The following FADS2 variants were observed in gnomAD, a reference collection of about 807,000 sequenced individuals.
FADS2 encodes acyl-CoA 6-desaturase.
In FADS2, 18 loss-of-function variants were observed where a neutral mutation model predicts 61.2. The ratio of observed to expected loss-of-function variants is 0.29; its 90% CI spans 0.20 to 0.44. The LOEUF is 0.44. Among genes scored for constraint, FADS2 ranks in the 20% least tolerant of loss-of-function variants. FADS2 has a pLI of 1.00. For synonymous variants in FADS2, 203 were observed against 223.9 expected, an observed-to-expected ratio of 0.91 and a Z score of 0.83; for missense variants, 322 against 572.7, an observed-to-expected ratio of 0.56 and a Z score of 4.47.
chr11:61,843,958 G>A (rs1021020995), intron 4 of FADS2, among the ~76,000 whole-genome samples: 1 of 151,932 alleles, frequency 6.6e-6, no homozygotes, highest in East Asian at 1.9e-4. Flanking sequence ...ACCACGCCCG[G>A]CCTGCAATAT....
chr11:61,833,167 G>A lies in FADS2; in HGVS notation c.207+4570G>A, dbSNP rs533691002. Among the ~76,000 whole-genome samples the A allele has an allele frequency of 5.3e-5, 8 of 152,264 alleles. No individual in the cohort carries two copies. The South Asian group carries it at 1.4e-3, about 28-fold the overall frequency. On this transcript the variant is annotated intron_variant, in intron 1 of 11. Transcript: ENST00000278840. ...CTCACACACCTGCCCTGCCGAGGCG[G>A]GTGCATCTCTGCTTTCTCCACCTGT... is the stretch of plus-strand genomic sequence containing the variant.
rs139485065 is a variant in FADS2 at position 61,859,364 on chromosome 11, T to G, written c.882+1834T>G. Among the ~76,000 whole-genome samples the G allele has an allele frequency of 2.9e-3, 439 of 152,290 alleles. 2 individuals carry two copies. The highest frequency in any genetic ancestry group is 9.8e-3 in the African/African-American group (406 of 41,572). ...GAGCCACCGCGCCCGGCCTGTTGATTACTGTTTTATCGCTTGCTAACTGAA... is the reference window on the plus strand; with the variant it reads ...GAGCCACCGCGCCCGGCCTGTTGATGACTGTTTTATCGCTTGCTAACTGAA... On this transcript the variant is annotated intron_variant, in intron 7 of 11. Transcript: ENST00000278840.
chr11:61,858,380 T>C (rs961127968), intron 7 of FADS2, among the ~76,000 whole-genome samples: 2 of 151,932 alleles, frequency 1.3e-5, no homozygotes, highest in African/African-American at 2.4e-5. Flanking sequence ...GGTTTTTCCA[T>C]GTTGGCGAGG....
At chr11:61,841,528 C>T (rs2067217068) in intron 4 of FADS2, among the ~76,000 whole-genome samples, 1 of 150,010 alleles carries the variant, frequency 6.7e-6, no homozygotes, top group African/African-American at 2.5e-5. Context: ...GTGAGACCCC[C>T]CCCCATCTCT....
rs174589 is a variant in FADS2 at position 61,848,331 on chromosome 11, C to T, written c.744+47C>T. Reference sequence around the variant, plus strand: ...TGACCTAGGAAGTGTTTGTCCTGGGCGAATGGCAGACCATCGAGGTACAAC... The same window carrying T: ...TGACCTAGGAAGTGTTTGTCCTGGGTGAATGGCAGACCATCGAGGTACAAC... On this transcript the variant is annotated intron_variant, in intron 5 of 11. Coordinates refer to ENST00000278840, the MANE Select transcript of FADS2 (RefSeq NM_004265.4). 13 of 1,611,094 alleles carry T rather than the reference C, an allele frequency of 8.1e-6. No individual in the cohort carries two copies. The Middle Eastern group carries it at 6.6e-4, about 82-fold the overall frequency.
At position 61,837,911 on chromosome 11, in the gene FADS2, G is replaced by A. The variant is rs773969818; in HGVS notation, c.318+23G>A. 12 of 1,564,884 alleles carry A rather than the reference G, an allele frequency of 7.7e-6. 1 individual carries two copies. The South Asian group carries it at 1.1e-4, about 15-fold the overall frequency. The stretch of plus-strand genomic sequence containing the variant: ...AACGTAAGTCTGGCTTGCAACCTGG[G>A]TGGGGGTGGAGACGAGGCTGGGGGT... On this transcript the variant is annotated intron_variant, in intron 2 of 11. Coordinates refer to ENST00000278840, the MANE Select transcript of FADS2 (RefSeq NM_004265.4).
In FADS2 at chr11:61,863,381, A is replaced by C; in HGVS notation, c.1077+3A>C. ...ACCGTGACTGGTTCAGTAGCCAGGT[A>C]GGGAAGTCAGGGCCGGTCACCAGAG... On this transcript the variant is annotated splice_donor_region_variant and intron_variant, in intron 9 of 11. Transcript: ENST00000278840. The C allele has an allele frequency of 1.2e-6, 2 of 1,602,214 alleles. No homozygotes were observed. Among genetic ancestry groups the C allele is most frequent in the Middle Eastern group, 1.7e-4 (1 of 6,036 alleles).
At chr11:61,831,206 C>A (rs1354573968) in intron 1 of FADS2, among the ~76,000 whole-genome samples, 4 of 152,170 alleles carry the variant, frequency 2.6e-5, no homozygotes. Flanking sequence ...GAACAGGCTA[C>A]TGAAATCCAG....
At chr11:61,819,960 C>T (rs2135946462) in intron 1 of FADS2, among the ~76,000 whole-genome samples, 1 of 150,206 alleles carries the variant, frequency 6.7e-6, no homozygotes, top group South Asian at 2.1e-4. Context: ...CGGTGGCTCA[C>T]ACCTGTAATC....
At chr11:61,863,845 TC>T in intron 10 of FADS2, 59 bp downstream of exon 10, 1 of 1,344,292 alleles carries the variant, frequency 7.4e-7, no homozygotes, top group East Asian at 2.3e-5. Context: ...GTGGCCGCTA[TC>T]CCACTGGGCA....
At chr11:61,838,501 C>T (rs2067193392) in intron 2 of FADS2, among the ~76,000 whole-genome samples, 1 of 152,090 alleles carries the variant, frequency 6.6e-6, no homozygotes, top group African/African-American at 2.4e-5. Flanking sequence ...TACCCACAGG[C>T]TGTGACCAGG....
chr11:61,834,573 C>T (rs978799923), intron 1 of FADS2, among the ~76,000 whole-genome samples: 1 of 152,184 alleles, frequency 6.6e-6, no homozygotes, highest in African/African-American at 2.4e-5. Flanking sequence ...TGTCTGCTCC[C>T]TTGGAGTTGG....
At chr11:61,836,757 T>C (rs1282713797) in intron 1 of FADS2, among the ~76,000 whole-genome samples, 4 of 152,256 alleles carry the variant, frequency 2.6e-5, no homozygotes, top group Non-Finnish European at 4.4e-5. Context: ...TGTATGTTTT[T>C]CCCCAGCTAT....
In FADS2 at chr11:61,837,753, C is replaced by T. The variant is rs769052376; in HGVS notation, c.208-25C>T. On this transcript the variant is annotated intron_variant, in intron 1 of 11. Coordinates refer to ENST00000278840, the MANE Select transcript of FADS2 (RefSeq NM_004265.4). ...GAGCAGACAGAGTTCAGGTCTTAGC[C>T]TCATCACTGCCCTCTGCTCTCCAGG... 1.4e-5 allele frequency: 22 copies of T among 1,532,586 alleles called. No individual in the cohort carries two copies. In the South Asian group the frequency reaches 2.3e-4, roughly 16 times the overall value. The allele number at this position is 1,532,586 out of a possible 1,614,324, so 94.9% of individuals were successfully genotyped here.
intron 4 of FADS2, among the ~76,000 whole-genome samples, chr11:61,845,521 G>A (rs562224722): frequency 3.3e-5 from 5 of 152,226 alleles, no homozygotes; most frequent in South Asian, 2.1e-4. Flanking sequence ...GGCCCGGTGC[G>A]GTGGGTTATG....
In FADS2 at chr11:61,828,641, C is replaced by A. The variant is rs867533742; in HGVS notation, c.207+44C>A. 1 of 1,557,310 alleles carries A rather than the reference C, an allele frequency of 6.4e-7. No individual in the cohort carries two copies. Among genetic ancestry groups the A allele is most frequent in the Non-Finnish European group, 8.8e-7 (1 of 1,140,838 alleles). On this transcript the variant is annotated intron_variant, in intron 1 of 11. Transcript: ENST00000278840. The surrounding 1 kb of genome is among the most constrained non-coding windows in gnomAD (Gnocchi z 6.4). ...CCCAGCCACCCTTCTCTGCTGCAGG[C>A]GGAGTCAGGATCCCTGGCTCCCCGT...
At chr11:61,863,648 A>G (rs989533798) in intron 9 of FADS2, 59 bp from the exon 10 acceptor site, 1 of 1,456,588 alleles carries the variant, frequency 6.9e-7, no homozygotes, top group Non-Finnish European at 9.6e-7. Flanking sequence ...CCCCCTGGGA[A>G]TGAGGCCGGG....
chr11:61,824,437 AGGGAGGGAGGGAGGGAGGGAGG>A (rs1313380946), upstream of FADS2, among the ~76,000 whole-genome samples: 475 of 4,502 alleles, frequency 0.11, 24 homozygotes, highest in African/African-American at 0.17. Context: ...AGAGAGAGGG[AGGGAGGGAGGGAGGGAGGGAGG>A]GAGAGAGAGA....
At chr11:61,856,867 G>A in intron 5 of FADS2, 144 bp from the exon 6 acceptor site, 1 of 716,620 alleles carries the variant, frequency 1.4e-6, no homozygotes, top group Non-Finnish European at 2.5e-6. Flanking sequence ...CAGGCTTGGT[G>A]GGCCCAGGGT....
Sources: allele counts gnomAD v4.1 joint callset (sites outside exome capture counted in the v4.1 genomes callset), GRCh38; gene constraint gnomAD v4.1.1; non-coding constraint Gnocchi (gnomAD v3.1); transcripts MANE v1.5; gene names NCBI Gene and HGNC (gene_info 2026-07-23, HGNC 2026-07-21).